GCNT2: variants seen among roughly 807,000 people sequenced by gnomAD.
GCNT2 encodes the protein N-acetyllactosaminide beta-1,6-N-acetylglucosaminyl-transferase.
A neutral mutation model predicts 34.2 loss-of-function variants in GCNT2; 34 were observed. That is an observed-to-expected ratio of 1.00 (90% confidence interval 0.76 to 1.32). The LOEUF (loss-of-function observed/expected upper bound fraction) is 1.32. GCNT2 is among the 40% of genes most tolerant of loss of function. The pLI, the probability that GCNT2 is intolerant of heterozygous loss-of-function variation, is 0.00. For synonymous variants in GCNT2, 212 were observed against 188.0 expected, an observed-to-expected ratio of 1.13 and a Z score of -1.04; for missense variants, 584 against 489.4, an observed-to-expected ratio of 1.19 and a Z score of -1.82.
chr6:10,527,030 C>T (rs1252189844), intron 1 of GCNT2, among the ~76,000 whole-genome samples: 1 of 152,180 alleles, frequency 6.6e-6, no homozygotes. Flanking sequence ...GACTGTACCA[C>T]ATTCACAGAT....
chr6:10,562,343 C>T (rs559384733), intron 3 of GCNT2, among the ~76,000 whole-genome samples: 2 of 152,234 alleles, frequency 1.3e-5, no homozygotes, highest in South Asian at 4.2e-4. Flanking sequence ...AGTGGTTACT[C>T]CTGGGGGACA....
chr6:10,579,836 A>AC (rs1268664276), intron 3 of GCNT2, among the ~76,000 whole-genome samples: 2 of 150,346 alleles, frequency 1.3e-5, no homozygotes, highest in East Asian at 1.9e-4. Context: ...CAAAAAAAAA[A>AC]AAAAAAAAAA....
At chr6:10,555,977 C>T (rs1241424188) in intron 3 of GCNT2, 9 of 1,061,402 alleles carry the variant, frequency 8.5e-6, no homozygotes, top group Non-Finnish European at 1.0e-5. Context: ...GGCACGCCTG[C>T]CAGAGCTCAT....
At position 10,551,427 on chromosome 6, in the gene GCNT2, ATTAT is replaced by A. The variant is rs922205952; in HGVS notation, c.925+21597_925+21600del. On this transcript the variant is annotated intron_variant, in intron 3 of 4. Transcript: ENST00000495262. ...ATTTATTTTTTATTTTTTAATTTTT[ATTAT>A]TTATTATTATTATTAATTTATTTTT... Among the ~76,000 whole-genome samples the A allele has an allele frequency of 5.1e-3, 741 of 145,304 alleles. 1 individual carries two copies. Among genetic ancestry groups the A allele is most frequent in the African/African-American group, 0.019 (699 of 37,650 alleles).
rs146693408 is a variant in GCNT2, at chr6:10,550,675, G to A, written c.925+20839G>A. The stretch of plus-strand genomic sequence containing the variant: ...TTTTTAATTTTTTTGTAATGACAAG[G>A]TCTCACTATGTTGCTCAAGCTGGTC... On this transcript the variant is annotated intron_variant, in intron 3 of 4. Transcript: ENST00000495262. 4.3e-4 allele frequency among the ~76,000 whole-genome samples: 65 copies of A among 152,114 alleles called. 2 individuals are homozygous for A. In the East Asian group the frequency reaches 0.011, roughly 25 times the overall value.
intron 4 of GCNT2, among the ~76,000 whole-genome samples, chr6:10,624,257 G>A (rs1368291120): frequency 6.6e-6 from 1 of 152,120 alleles, no homozygotes; most frequent in Non-Finnish European, 1.5e-5. Context: ...CCAAGACTGG[G>A]TAATTTATAA....
At chr6:10,583,668 T>C (rs1581444324) in intron 3 of GCNT2, among the ~76,000 whole-genome samples, 1 of 152,208 alleles carries the variant, frequency 6.6e-6, no homozygotes, top group East Asian at 1.9e-4. Flanking sequence ...GCCCTGGTGG[T>C]TTTGTTCTTT....
chr6:10,535,712 C>T (rs1761720738), intron 3 of GCNT2, among the ~76,000 whole-genome samples: 1 of 152,112 alleles, frequency 6.6e-6, no homozygotes, highest in Non-Finnish European at 1.5e-5. Context: ...TTCAAACTCA[C>T]ATTAAAATAG....
intron 3 of GCNT2, among the ~76,000 whole-genome samples, chr6:10,575,853 A>AC (rs1763784297): frequency 6.8e-6 from 1 of 147,514 alleles, no homozygotes; most frequent in South Asian, 2.2e-4. Context: ...GCACCTTGCG[A>AC]CCCCCACTCC....
At chr6:10,601,848 G>A (rs1765097274) in intron 3 of GCNT2, among the ~76,000 whole-genome samples, 1 of 151,260 alleles carries the variant, frequency 6.6e-6, no homozygotes, top group African/African-American at 2.4e-5. Context: ...GGCTGAGGCA[G>A]GAGAATGGCG....
In GCNT2 at chr6:10,539,180, C is replaced by CTTTTTT. The variant is rs71548847; in HGVS notation, c.925+9365_925+9370dup. ...AGCCTATCTCTACAGCTCACCGTCT[C>CTTTTTT]TTTTTTTTTTTTTTTTTTTTTTTTT... On this transcript the variant is annotated intron_variant, in intron 3 of 4. Coordinates refer to ENST00000495262, the MANE Select transcript of GCNT2 (RefSeq NM_145649.5). 2.8e-3 allele frequency among the ~76,000 whole-genome samples: 183 copies of CTTTTTT among 65,312 alleles called. 19 individuals carry two copies. The highest frequency in any genetic ancestry group is 4.3e-3 in the African/African-American group (70 of 16,180). The allele number at this position is 65,312 out of a possible 152,430, so 42.8% of individuals were successfully genotyped here. A position where few individuals can be genotyped will look rare whatever the true frequency, so the allele number is the denominator to read the frequency against.
At chr6:10,552,539 CTG>C (rs1345198869) in intron 3 of GCNT2, among the ~76,000 whole-genome samples, 3 of 151,702 alleles carry the variant, frequency 2.0e-5, no homozygotes, top group African/African-American at 7.3e-5. Flanking sequence ...AGCATAACAA[CTG>C]TTTACATAGC....
chr6:10,605,944 T>C (rs1765291147), intron 3 of GCNT2, among the ~76,000 whole-genome samples: 1 of 152,182 alleles, frequency 6.6e-6, no homozygotes, highest in African/African-American at 2.4e-5. Flanking sequence ...CAATGATCTC[T>C]CCTTCTCTGA....
rs909596660 is a variant in GCNT2 at position 10,528,826 on chromosome 6, G to C, written c.-86G>C. 52 of 1,114,208 alleles carry C rather than the reference G, an allele frequency of 4.7e-5. No homozygotes were observed. Among genetic ancestry groups the C allele is most frequent in the Non-Finnish European group, 6.2e-5 (45 of 731,038 alleles). 69.0% of individuals were successfully genotyped at this position (1,114,208 alleles called of 1,614,324 possible). On this transcript the variant is annotated 5_prime_UTR_variant, in exon 3 of 5. Transcript: ENST00000495262. Reference sequence around the variant, plus strand: ...CTTCAGCCATCACGAGGATGATTTCGGAACCTGGAGAAAATGTAAGTTAAA... The same window carrying C: ...CTTCAGCCATCACGAGGATGATTTCCGAACCTGGAGAAAATGTAAGTTAAA...
At chr6:10,614,983 T>C (rs940143902) in intron 3 of GCNT2, among the ~76,000 whole-genome samples, 2 of 152,212 alleles carry the variant, frequency 1.3e-5, no homozygotes, top group Non-Finnish European at 2.9e-5. Flanking sequence ...GGAGGTGATG[T>C]GAGAGATCCG....
At chr6:10,522,140 A>G (rs974901893) in intron 1 of GCNT2, among the ~76,000 whole-genome samples, 2 of 152,078 alleles carry the variant, frequency 1.3e-5, no homozygotes, top group Non-Finnish European at 2.9e-5. Flanking sequence ...CACCTGCCTC[A>G]GCCTCCTGAA....
intron 3 of GCNT2, among the ~76,000 whole-genome samples, chr6:10,565,120 G>T (rs1478971273): frequency 1.3e-5 from 2 of 152,192 alleles, no homozygotes; most frequent in Non-Finnish European, 2.9e-5. Context: ...AAGGTCGTGG[G>T]TGAGCCTGGT....
At chr6:10,582,474 A>G (rs1442988261) in intron 3 of GCNT2, among the ~76,000 whole-genome samples, 3 of 115,384 alleles carry the variant, frequency 2.6e-5, no homozygotes, top group African/African-American at 3.8e-5. Context: ...TATAATATAT[A>G]CTATAATATA....
At chr6:10,581,982 TTA>T (rs1429223554) in intron 3 of GCNT2, 3 of 292,228 alleles carry the variant, frequency 1.0e-5, no homozygotes, top group South Asian at 1.3e-4. Flanking sequence ...ATACACACAC[TTA>T]TATGTATATA....
Sources: gnomAD v4.1 joint callset for allele counts (sites outside exome capture counted in the v4.1 genomes callset) on GRCh38, gnomAD v4.1.1 for gene constraint, MANE v1.5 for transcripts, NCBI Gene and HGNC (gene_info 2026-07-23, HGNC 2026-07-21) for gene names.